Variants in CNTRL observed in about 807,000 individuals in gnomAD.
The protein encoded by CNTRL is 110 kDa centrosomal protein.
CNTRL carries 233 observed loss-of-function variants against 303.7 expected under a neutral mutation model. The observed-to-expected ratio is 0.77, with a 90% CI of 0.69 to 0.86. The LOEUF (loss-of-function observed/expected upper bound fraction) is 0.86, where lower values mean the gene tolerates loss of function less well. CNTRL is among the 40% of genes least tolerant of loss of function. The pLI is 0.00. For missense variants in CNTRL, 2,524 were observed against 2,650.6 expected (o/e 0.95, Z 1.05); for synonymous variants, 900 against 922.2 (o/e 0.98, Z 0.44).
chr9:121,176,658 A>G (rs1485602201), intron 43 of CNTRL, among the ~76,000 whole-genome samples: 1 of 152,190 alleles, frequency 6.6e-6, no homozygotes, highest in East Asian at 1.9e-4. Context: ...CAACCAACGC[A>G]CAGTGGGTAG....
At chr9:121,101,603 G>A (rs921127158) in intron 7 of CNTRL, among the ~76,000 whole-genome samples, 18 of 152,160 alleles carry the variant, frequency 1.2e-4, no homozygotes, top group Non-Finnish European at 2.1e-4. Flanking sequence ...AAAAATCAGT[G>A]AATCCAGGAG....
chr9:121,086,632 ACTTTTTTTTTTTTTTTTTTTTTTCC>A (rs2048353734), intron 2 of CNTRL, among the ~76,000 whole-genome samples: 1 of 128,524 alleles, frequency 7.8e-6, no homozygotes, highest in Non-Finnish European at 1.6e-5. Context: ...TGCTGGATTT[ACTTTTTTTTTTTTTTTTTTTTTTCC>A]TGAGATGGAG....
intron 12 of CNTRL, chr9:121,121,811 A>G: frequency 1.0e-6 from 1 of 985,458 alleles, no homozygotes; most frequent in Non-Finnish European, 1.2e-6. Context: ...GCGAAGTTAC[A>G]GAGGCTCGGA....
chr9:121,105,106 G>T (rs747122807), intron 7 of CNTRL, among the ~76,000 whole-genome samples: 2 of 152,168 alleles, frequency 1.3e-5, no homozygotes, highest in Non-Finnish European at 2.9e-5. Context: ...GACCTGTTAG[G>T]AGGCTAGCGT....
At chr9:121,133,760 G>A (rs1564250947) in intron 14 of CNTRL, among the ~76,000 whole-genome samples, 1 of 152,150 alleles carries the variant, frequency 6.6e-6, no homozygotes, top group Non-Finnish European at 1.5e-5. Flanking sequence ...TGCAGACCAA[G>A]CTGTTCCTAT....
chr9:121,124,926 C>CA (rs2050426133), intron 13 of CNTRL, among the ~76,000 whole-genome samples: 1 of 135,378 alleles, frequency 7.4e-6, no homozygotes, highest in African/African-American at 2.7e-5. Context: ...GCCTAGGTGA[C>CA]AGAGTGAAAC....
At position 121,115,109 on chromosome 9, in the gene CNTRL, A is replaced by T; in HGVS notation, c.1364A>T (p.Glu455Val). 1 of 1,606,896 alleles carries T rather than the reference A, an allele frequency of 6.2e-7. No individual in the cohort carries two copies. The highest frequency in any genetic ancestry group is 1.1e-5 in the South Asian group (1 of 89,648). The part of the protein sequence containing the change: ...KISAAQTRLS[E>V]LHDEIEKAEQ... ...TTTGCAGCACAAACTCGACTATCAG[A>T]ACTGCATGATGAAATAGAAAAGGCA... is the stretch of plus-strand genomic sequence containing the variant. Residue 455 changes from glutamate to valine, a missense_variant, in exon 11 of 44, where the codon GAA (glutamate) becomes GTA (valine). Glu to Val is a moderately radical substitution (Grantham distance 121). Transcript: ENST00000373855.
intron 36 of CNTRL, among the ~76,000 whole-genome samples, 189 bp downstream of exon 36, chr9:121,166,369 C>A (rs1018315052): frequency 2.0e-5 from 3 of 152,092 alleles, no homozygotes; most frequent in Non-Finnish European, 4.4e-5. Context: ...TTTATTTTAG[C>A]CTTAGAACTC....
At position 121,167,701 on chromosome 9, in the gene CNTRL, A is replaced by G. The variant is rs140290512; in HGVS notation, c.5844+24A>G. ...TGGTACTACACATTTATGATTTTAC[A>G]TAAAAAAAGCATTTTGTGGCTCATG... On this transcript the variant is annotated intron_variant, in intron 37 of 43. Transcript: ENST00000373855. 7.9e-3 allele frequency: 12,586 copies of G among 1,597,014 alleles called. 91 individuals carry two copies. Among genetic ancestry groups the G allele is most frequent in the South Asian group, 0.025 (2,208 of 89,310 alleles).
intron 10 of CNTRL, among the ~76,000 whole-genome samples, chr9:121,114,169 C>G (rs76747381): frequency 0.01 from 1,533 of 152,334 alleles, 32 homozygotes; most frequent in African/African-American, 0.035. Flanking sequence ...TCCTGACATG[C>G]CCCATGCCCC....
intron 13 of CNTRL, among the ~76,000 whole-genome samples, chr9:121,125,477 G>A (rs2050466078): frequency 6.6e-6 from 1 of 152,084 alleles, no homozygotes; most frequent in South Asian, 2.1e-4. Context: ...ACTTTTTACA[G>A]CATGAATCAG....
chr9:121,162,296 G>A (rs199718491), intron 34 of CNTRL, 25 bp downstream of exon 34: 18 of 1,587,846 alleles, frequency 1.1e-5, no homozygotes, highest in Non-Finnish European at 1.4e-5. Context: ...AAATAAGCTT[G>A]CAGGATCACT....
chr9:121,076,055 A>G (rs1235177883), intron 1 of CNTRL, among the ~76,000 whole-genome samples: 1 of 152,186 alleles, frequency 6.6e-6, no homozygotes, highest in Non-Finnish European at 1.5e-5. Flanking sequence ...TCAGTCAACA[A>G]ATATTTATTG....
rs1309786247 is a variant in CNTRL at position 121,169,638 on chromosome 9, A to G, written c.6098A>G (p.Gln2033Arg). 1 of 1,614,060 alleles carries G rather than the reference A, an allele frequency of 6.2e-7. No individual in the cohort carries two copies. Among genetic ancestry groups the G allele is most frequent in the Non-Finnish European group, 8.5e-7 (1 of 1,180,016 alleles). Residue 2033 changes from glutamine (Q) to arginine (R), a missense_variant, in exon 39 of 44, where the codon CAA (glutamine) becomes CGA (arginine). Coordinates refer to ENST00000373855, the MANE Select transcript of CNTRL (RefSeq NM_007018.6). ...CGGCAGCTTTCAGAAAGGGAGCAGCAATTGGTGGAGAAATCAGGTGAGCTG... is the reference window on the plus strand; with the variant it reads ...CGGCAGCTTTCAGAAAGGGAGCAGCGATTGGTGGAGAAATCAGGTGAGCTG... ...TKRQLSEREQQLVEKSGELLA... is the reference protein window; with the variant it reads ...TKRQLSEREQRLVEKSGELLA...
Position 121,141,667 on chromosome 9 carries a change from T to G in CNTRL, c.2691+79T>G, listed in dbSNP as rs74994930. The G allele has an allele frequency of 1.5e-5, 19 of 1,273,512 alleles. No homozygotes were observed. The East Asian group carries it at 4.7e-4, about 31-fold the overall frequency. 78.9% of individuals were successfully genotyped at this position (1,273,512 alleles called of 1,614,324 possible). A position where few individuals can be genotyped will look rare whatever the true frequency, so the allele number is the denominator to read the frequency against. On this transcript the variant is annotated intron_variant, in intron 18 of 43. Transcript: ENST00000373855. ...TTTTCAGCAAATTACAATGCTTCCT[T>G]TGTCATGTAAATACAACATAATTGT...
At position 121,162,062 on chromosome 9, in the gene CNTRL, G is replaced by A. The variant is rs774558830; in HGVS notation, c.5214G>A (p.Leu1738=). 7.4e-6 allele frequency: 12 copies of A among 1,614,054 alleles called. No individual in the cohort carries two copies. The South Asian group carries it at 1.2e-4, about 16-fold the overall frequency. Residue 1738 remains leucine (L), a synonymous_variant, in exon 34 of 44, where the codon CTG becomes CTA. Transcript: ENST00000373855. ...TCTTTTATCTGATTTAGGAGAAACT[G>A]GAGTTAGAGAATTTGCAGCAGATAT... ...KTQVAVLEEK[L]ELENLQQISQ...
intron 38 of CNTRL, 69 bp from the exon 39 acceptor site, chr9:121,169,542 G>C (rs569419070): frequency 6.8e-7 from 1 of 1,469,842 alleles, no homozygotes; most frequent in East Asian, 2.3e-5. Flanking sequence ...TCTGCCACAA[G>C]GGAAGGGGAG....
chr9:121,156,088 A>G (rs1277965614), intron 27 of CNTRL, among the ~76,000 whole-genome samples: 1 of 151,982 alleles, frequency 6.6e-6, no homozygotes, highest in African/African-American at 2.4e-5. Context: ...GCAGAACTAG[A>G]GGAAAAAAAA....
intron 14 of CNTRL, among the ~76,000 whole-genome samples, chr9:121,131,400 G>T (rs148608447): frequency 0.013 from 1,912 of 152,074 alleles, 44 homozygotes; most frequent in Middle Eastern, 0.024. Context: ...CTTCTTTGTC[G>T]CTTTTGATCT....
Sources: gnomAD v4.1 joint callset for allele counts (sites outside exome capture counted in the v4.1 genomes callset) on GRCh38, gnomAD v4.1.1 for gene constraint, MANE v1.5 for transcripts, NCBI Gene and HGNC (gene_info 2026-07-23, HGNC 2026-07-21) for gene names.